The following ADAMTS19 variants were observed in gnomAD, a reference collection of about 807,000 sequenced individuals.
The protein encoded by ADAMTS19 is ADAM metallopeptidase with thrombospondin type 1 motif 19.
In ADAMTS19, 93 loss-of-function variants were observed where a neutral mutation model predicts 153.3. That is an observed-to-expected ratio of 0.61 (90% CI 0.51 to 0.72). ADAMTS19 has a LOEUF of 0.72. Among genes scored for constraint, ADAMTS19 ranks in the 30% least tolerant of loss-of-function variants. ADAMTS19 has a pLI of 0.00. For missense variants in ADAMTS19, 1,482 were observed against 1,552.1 expected (o/e 0.95, Z 0.76); for synonymous variants, 600 against 556.6 (o/e 1.08, Z -1.10).
chr5:129,515,768 T>C (rs1216319145), intron 3 of ADAMTS19, among the ~76,000 whole-genome samples: 2 of 152,032 alleles, frequency 1.3e-5, no homozygotes, highest in Non-Finnish European at 2.9e-5. Context: ...CCAATTTAGA[T>C]GCCCTTTATA....
intron 2 of ADAMTS19, among the ~76,000 whole-genome samples, chr5:129,471,782 A>G (rs537638153): frequency 1.3e-5 from 2 of 152,202 alleles, no homozygotes; most frequent in African/African-American, 4.8e-5. Context: ...TTTAGCTCCC[A>G]CTTAAAAGTG....
intron 16 of ADAMTS19, among the ~76,000 whole-genome samples, chr5:129,673,820 A>G (rs963367723): frequency 6.6e-6 from 1 of 152,238 alleles, no homozygotes; most frequent in Non-Finnish European, 1.5e-5. Flanking sequence ...CTACTCAACA[A>G]ATGTTATGTC....
chr5:129,513,267 C>T (rs1460528582), intron 3 of ADAMTS19, among the ~76,000 whole-genome samples: 2 of 151,712 alleles, frequency 1.3e-5, no homozygotes, highest in African/African-American at 4.8e-5. Flanking sequence ...TGAGTTTACT[C>T]ATGATGCTGT....
chr5:129,464,788 A>G (rs1749798663), intron 2 of ADAMTS19, among the ~76,000 whole-genome samples: 1 of 152,218 alleles, frequency 6.6e-6, no homozygotes. Flanking sequence ...TTGTACTTAT[A>G]TATCTAGCAA....
intron 21 of ADAMTS19, among the ~76,000 whole-genome samples, chr5:129,707,106 C>T (rs1156590286): frequency 1.3e-5 from 2 of 152,202 alleles, no homozygotes; most frequent in South Asian, 2.1e-4. Flanking sequence ...CAACCAAAGG[C>T]GGATCAAGAA....
chr5:129,654,394 C>T lies in ADAMTS19; in HGVS notation c.2265C>T (p.Gly755=). Reference sequence around the variant, plus strand: ...AAGTGATGGATGGAACTTCTTGTGGCTATCAGGGATTAGATATCTGTGCAA... The same window carrying T: ...AAGTGATGGATGGAACTTCTTGTGGTTATCAGGGATTAGATATCTGTGCAA... The part of the protein sequence containing the change: ...SEKVMDGTSC[G]YQGLDICANG... The change falls in exon 14 of 23, where the codon GGC becomes GGT. Residue 755 remains glycine (G), a synonymous_variant. Transcript: ENST00000274487. The T allele has an allele frequency of 6.2e-7, 1 of 1,612,874 alleles. No individual in the cohort carries two copies. The highest frequency in any genetic ancestry group is 8.5e-7 in the Non-Finnish European group (1 of 1,179,690).
chr5:129,533,325 A>C lies in ADAMTS19; in HGVS notation c.1328+4648A>C, dbSNP rs117667288. Among the ~76,000 whole-genome samples the C allele has an allele frequency of 1.5e-3, 231 of 152,280 alleles. 1 individual carries two copies. The East Asian group carries it at 0.028, about 19-fold the overall frequency. On this transcript the variant is annotated intron_variant, in intron 6 of 22. Transcript: ENST00000274487. ...TACATGTGGGTTTATACATTTGTCA[A>C]AATTCACCAATCTTCTCATTTAACT...
intron 8 of ADAMTS19, among the ~76,000 whole-genome samples, chr5:129,619,874 A>T (rs765974077): frequency 6.6e-6 from 1 of 152,100 alleles, no homozygotes; most frequent in Non-Finnish European, 1.5e-5. Context: ...AAGGAAAAAA[A>T]TAAATGATGA....
intron 21 of ADAMTS19, among the ~76,000 whole-genome samples, chr5:129,716,298 A>C (rs1756728871): frequency 6.6e-6 from 1 of 152,036 alleles, no homozygotes; most frequent in Non-Finnish European, 1.5e-5. Context: ...TCCTGGGCTC[A>C]AACAATCCTT....
intron 15 of ADAMTS19, among the ~76,000 whole-genome samples, chr5:129,661,019 C>G (rs1216216073): frequency 2.0e-5 from 3 of 152,186 alleles, no homozygotes; most frequent in Non-Finnish European, 2.9e-5. Flanking sequence ...TATCGATCAG[C>G]TTTCTCTTGG....
intron 6 of ADAMTS19, among the ~76,000 whole-genome samples, chr5:129,550,069 G>T (rs571265848): frequency 6.5e-5 from 6 of 91,666 alleles, no homozygotes; most frequent in African/African-American, 1.7e-4. Flanking sequence ...TATGTATCTA[G>T]ATATACATAT....
intron 9 of ADAMTS19, 26 bp downstream of exon 9, chr5:129,620,784 C>T: frequency 6.2e-7 from 1 of 1,606,074 alleles, no homozygotes. Flanking sequence ...ATTGTTTTTG[C>T]CTTGTGAATG....
chr5:129,718,850 T>C (rs1189206618), intron 21 of ADAMTS19, among the ~76,000 whole-genome samples: 1 of 152,206 alleles, frequency 6.6e-6, no homozygotes, highest in Non-Finnish European at 1.5e-5. Context: ...AAAACATTTG[T>C]GCTCTGCCAG....
intron 17 of ADAMTS19, among the ~76,000 whole-genome samples, chr5:129,682,639 T>A (rs1227065832): frequency 2.0e-5 from 3 of 152,332 alleles, no homozygotes; most frequent in East Asian, 3.9e-4. Flanking sequence ...TATCATTTTT[T>A]AAAAACCCAT....
intron 22 of ADAMTS19, among the ~76,000 whole-genome samples, chr5:129,735,910 A>C (rs894551576): frequency 6.6e-6 from 1 of 152,032 alleles, no homozygotes; most frequent in Non-Finnish European, 1.5e-5. Flanking sequence ...TGTGCATATA[A>C]TCTCCAGGGG....
At chr5:129,580,480 G>C (rs1458526877) in intron 7 of ADAMTS19, among the ~76,000 whole-genome samples, 1 of 152,160 alleles carries the variant, frequency 6.6e-6, no homozygotes, top group Non-Finnish European at 1.5e-5. Flanking sequence ...TTAAATAGGA[G>C]TAGTGAAAGA....
At chr5:129,477,878 C>A (rs1261995125) in intron 2 of ADAMTS19, among the ~76,000 whole-genome samples, 1 of 152,194 alleles carries the variant, frequency 6.6e-6, no homozygotes, top group African/African-American at 2.4e-5. Context: ...TCTCTCATTT[C>A]TTTCCATTAC....
At position 129,606,532 on chromosome 5, in the gene ADAMTS19, C is replaced by A. The variant is rs188581910; in HGVS notation, c.1478+9868C>A. On this transcript the variant is annotated intron_variant, in intron 8 of 22. Coordinates refer to ENST00000274487, the MANE Select transcript of ADAMTS19 (RefSeq NM_133638.6). ...TTAACTGGTGTCGTCTCCTTTGCTA[C>A]CTCATCTTTCTAATCTACTCACACA... Among the ~76,000 whole-genome samples the A allele has an allele frequency of 2.8e-3, 434 of 152,308 alleles. 1 individual carries two copies. Among genetic ancestry groups the A allele is most frequent in the Non-Finnish European group, 5.1e-3 (350 of 68,028 alleles).
intron 7 of ADAMTS19, among the ~76,000 whole-genome samples, chr5:129,584,739 C>A (rs540782348): frequency 1.1e-4 from 17 of 152,246 alleles, no homozygotes; most frequent in South Asian, 4.1e-4. Context: ...ATGGTGGATG[C>A]CCCTCCCTCC....
Sources: allele counts gnomAD v4.1 joint callset (sites outside exome capture counted in the v4.1 genomes callset), GRCh38; gene constraint gnomAD v4.1.1; transcripts MANE v1.5; gene names NCBI Gene and HGNC (gene_info 2026-07-23, HGNC 2026-07-21).